The following DTNA variants were observed in gnomAD, a reference collection of about 807,000 sequenced individuals.
The protein encoded by DTNA is dystrophin-related protein 3.
DTNA carries 43 observed loss-of-function variants against 100.7 expected under a neutral mutation model. That is an observed-to-expected ratio of 0.43 (90% CI 0.33 to 0.55). The LOEUF (loss-of-function observed/expected upper bound fraction) is 0.55, where lower values mean the gene tolerates loss of function less well. Among genes scored for constraint, DTNA ranks in the 20% least tolerant of loss-of-function variants. The probability of loss-of-function intolerance (pLI) is 0.04; values close to 1 mark genes in which losing one functional copy is unlikely to be tolerated. For synonymous variants in DTNA, 349 were observed against 347.9 expected, an observed-to-expected ratio of 1.00 and a Z score of -0.04; for missense variants, 798 against 953.9, an observed-to-expected ratio of 0.84 and a Z score of 2.15.
Position 34,590,089 on chromosome 18 carries a change from T to C in DTNA, c.-2+96575T>C, listed in dbSNP as rs116187140. On this transcript the variant is annotated intron_variant, in intron 1 of 19. Coordinates refer to the DTNA transcript ENST00000283365. ...ATGGAAGTACAGATACCTTTAGGAG[T>C]TGATGTATTTCCTTTGGGTATATAC... is the stretch of plus-strand genomic sequence containing the variant. 2.1e-3 allele frequency among the ~76,000 whole-genome samples: 324 copies of C among 152,242 alleles called. 1 individual carries two copies. The highest frequency in any genetic ancestry group is 7.4e-3 in the African/African-American group (307 of 41,532).
At chr18:34,806,420 T>C (rs1235916540) in intron 5 of DTNA, 116 bp downstream of exon 5, 1 of 853,524 alleles carries the variant, frequency 1.2e-6, no homozygotes, top group Non-Finnish European at 1.9e-6. Context: ...TCTATGAGAG[T>C]TGTTTGAAAT....
chr18:34,558,423 T>G (rs1017043186), intron 1 of DTNA, among the ~76,000 whole-genome samples: 1 of 152,214 alleles, frequency 6.6e-6, no homozygotes, highest in South Asian at 2.1e-4. Flanking sequence ...AATTCATTGA[T>G]TAATTCAACT....
At chr18:34,583,888 G>A (rs1420129178) in intron 1 of DTNA, among the ~76,000 whole-genome samples, 2 of 152,142 alleles carry the variant, frequency 1.3e-5, no homozygotes, top group South Asian at 2.1e-4. Context: ...GAGAGATGGC[G>A]GGGTATTATT....
At chr18:34,798,822 TATC>T (rs2095095290) in intron 4 of DTNA, among the ~76,000 whole-genome samples, 1 of 152,152 alleles carries the variant, frequency 6.6e-6, no homozygotes, top group African/African-American at 2.4e-5. Context: ...GGCCCTATAT[TATC>T]ATGATTTTCC....
At chr18:34,567,381 T>C (rs2047177894) in intron 1 of DTNA, among the ~76,000 whole-genome samples, 1 of 152,206 alleles carries the variant, frequency 6.6e-6, no homozygotes, top group African/African-American at 2.4e-5. Context: ...AATGATGTTA[T>C]TTAAAAATCA....
intron 1 of DTNA, among the ~76,000 whole-genome samples, chr18:34,633,350 C>T (rs1568075551): frequency 6.6e-6 from 1 of 151,900 alleles, no homozygotes; most frequent in East Asian, 1.9e-4. Flanking sequence ...TCAAGGAAAA[C>T]ATAAAACAGT....
chr18:34,860,595 C>CT lies in DTNA; in HGVS notation c.1646+2200dup, dbSNP rs765424566. Among the ~76,000 whole-genome samples the CT allele has an allele frequency of 7.8e-4, 118 of 152,168 alleles. 1 individual carries two copies. Among genetic ancestry groups the CT allele is most frequent in the Non-Finnish European group, 1.5e-3 (104 of 68,030 alleles). On this transcript the variant is annotated intron_variant, in intron 16 of 22. Transcript: ENST00000444659. ...GCATGGATGTTTCCGGAGGCTCTATCTTTGCTCTGCTCTTCAGACACTTTA... is the reference window on the plus strand; with the variant it reads ...GCATGGATGTTTCCGGAGGCTCTATCTTTTGCTCTGCTCTTCAGACACTTTA...
At chr18:34,828,430 T>C (rs1290897548) in intron 10 of DTNA, among the ~76,000 whole-genome samples, 1 of 152,170 alleles carries the variant, frequency 6.6e-6, no homozygotes, top group African/African-American at 2.4e-5. Flanking sequence ...AGTGAGTAAT[T>C]GAACATAAGA....
intron 9 of DTNA, among the ~76,000 whole-genome samples, chr18:34,823,912 G>C (rs568010443): frequency 6.6e-6 from 1 of 152,290 alleles, no homozygotes; most frequent in East Asian, 1.9e-4. Flanking sequence ...ATGACCTGAG[G>C]TTCTGGACAT....
intron 4 of DTNA, among the ~76,000 whole-genome samples, chr18:34,795,353 G>A (rs2094925652): frequency 6.6e-6 from 1 of 152,138 alleles, no homozygotes; most frequent in African/African-American, 2.4e-5. Flanking sequence ...TTGTCTTCGT[G>A]ATATTTATAT....
At chr18:34,730,285 C>CA (rs1190116351) in intron 1 of DTNA, among the ~76,000 whole-genome samples, 1 of 152,170 alleles carries the variant, frequency 6.6e-6, no homozygotes, top group Admixed American at 6.5e-5. Flanking sequence ...TTATTTAGCA[C>CA]AATTTATTTA....
chr18:34,677,899 C>T (rs147327238), intron 1 of DTNA, among the ~76,000 whole-genome samples: 323 of 152,274 alleles, frequency 2.1e-3, no homozygotes, highest in African/African-American at 7.7e-3. Flanking sequence ...AGGTCATTCT[C>T]ACTCTACTAT....
chr18:34,890,437 C>A lies in DTNA; in HGVS notation c.*2703C>A. 6 of 1,536,128 alleles carry A rather than the reference C, an allele frequency of 3.9e-6. No homozygotes were observed. Among genetic ancestry groups the A allele is most frequent in the Non-Finnish European group, 5.2e-6 (6 of 1,146,916 alleles). ...TCCAGATTTACTTTTGGGGCCTGTT[C>A]TAAGTGCAAACCCAGCAAGTTTCAC... On this transcript the variant is annotated 3_prime_UTR_variant, in exon 23 of 23. Transcript: ENST00000444659.
chr18:34,760,492 T>G (rs2093075294), intron 2 of DTNA, among the ~76,000 whole-genome samples: 1 of 152,218 alleles, frequency 6.6e-6, no homozygotes, highest in Non-Finnish European at 1.5e-5. Flanking sequence ...TTATCCAAAA[T>G]AGGCAGCACA....
chr18:34,612,618 C>G (rs2054456090), intron 1 of DTNA, among the ~76,000 whole-genome samples: 1 of 152,134 alleles, frequency 6.6e-6, no homozygotes. Context: ...TATTTTCTGC[C>G]TATGCTGTGA....
chr18:34,649,731 T>C (rs2060238080), intron 1 of DTNA, among the ~76,000 whole-genome samples: 1 of 152,186 alleles, frequency 6.6e-6, no homozygotes, highest in South Asian at 2.1e-4. Flanking sequence ...CTTTTTGATA[T>C]CTACTCCAGA....
At chr18:34,864,510 C>T (rs1304454221) in intron 17 of DTNA, among the ~76,000 whole-genome samples, 2 of 151,598 alleles carry the variant, frequency 1.3e-5, no homozygotes, top group Non-Finnish European at 2.9e-5. Context: ...GCCTCGGCCT[C>T]CCAAAGTGCT....
intron 3 of DTNA, among the ~76,000 whole-genome samples, chr18:34,772,985 C>G (rs958019630): frequency 6.6e-6 from 1 of 152,208 alleles, no homozygotes; most frequent in African/African-American, 2.4e-5. Context: ...ACCTTCAGTT[C>G]CTAGAGCCTC....
intron 3 of DTNA, among the ~76,000 whole-genome samples, chr18:34,791,833 C>T (rs1182583060): frequency 1.3e-5 from 2 of 152,142 alleles, no homozygotes; most frequent in Admixed American, 1.3e-4. Context: ...GGAACTACCA[C>T]TTTTTACTCT....
Sources: allele counts gnomAD v4.1 joint callset (sites outside exome capture counted in the v4.1 genomes callset), GRCh38; gene constraint gnomAD v4.1.1; transcripts MANE v1.5; gene names NCBI Gene and HGNC (gene_info 2026-07-23, HGNC 2026-07-21).